Variants in CTNNA3 observed in about 807,000 individuals in gnomAD.
CTNNA3 encodes the protein catenin alpha 3, also known as catenin alpha-3.
A neutral mutation model predicts 95.7 loss-of-function variants in CTNNA3; 76 were observed. The observed-to-expected ratio is 0.79, with a 90% confidence interval of 0.66 to 0.96. The LOEUF (loss-of-function observed/expected upper bound fraction) is 0.96. CTNNA3 is among the 40% of genes least tolerant of loss of function. CTNNA3 has a pLI of 0.00. For synonymous variants in CTNNA3, 431 were observed against 374.4 expected (o/e 1.15, Z -1.74); for missense variants, 1,191 against 1,089.8 (o/e 1.09, Z -1.31).
At chr10:66,793,022 A>G (rs556544547) in intron 7 of CTNNA3, among the ~76,000 whole-genome samples, 46 of 152,282 alleles carry the variant, frequency 3.0e-4, no homozygotes, top group African/African-American at 1.0e-3. Context: ...GAAACTTACC[A>G]AAATTAAATA....
At chr10:66,621,818 T>C (rs1844761621) in intron 9 of CTNNA3, 34 bp from the exon 10 acceptor site, 1 of 1,392,182 alleles carries the variant, frequency 7.2e-7, no homozygotes, top group African/African-American at 1.4e-5. Context: ...GAAATTATTT[T>C]AGATTAGCAA....
intron 7 of CTNNA3, among the ~76,000 whole-genome samples, chr10:67,029,131 A>G (rs1421971075): frequency 6.6e-6 from 1 of 152,210 alleles, no homozygotes; most frequent in African/African-American, 2.4e-5. Flanking sequence ...TCTACTGTTC[A>G]GCATAATCAC....
At chr10:66,309,517 C>G (rs904464211) in intron 12 of CTNNA3, among the ~76,000 whole-genome samples, 7 of 150,740 alleles carry the variant, frequency 4.6e-5, no homozygotes, top group Non-Finnish European at 1.0e-4. Flanking sequence ...ACTGTGAAAC[C>G]CCATCTACCA....
chr10:65,931,553 T>TA (rs35389283), intron 17 of CTNNA3, among the ~76,000 whole-genome samples: 68,564 of 152,010 alleles, frequency 0.45, 15,849 homozygotes, highest in East Asian at 0.63. Context: ...ATGTCAGGTG[T>TA]AAAAATGCAC....
In CTNNA3 at chr10:67,418,689, A is replaced by T. The variant is rs560081681; in HGVS notation, c.579+103153T>A. The stretch of plus-strand genomic sequence containing the variant: ...GAGTAGAATGCTAGTTACCAGGGTC[A>T]GGGGCATTATTGGTTAAAGAATAGA... On this transcript the variant is annotated intron_variant, in intron 5 of 17. Coordinates refer to ENST00000433211, the MANE Select transcript of CTNNA3 (RefSeq NM_013266.4). Among the ~76,000 whole-genome samples the T allele has an allele frequency of 3.3e-5, 5 of 152,144 alleles. No homozygotes were observed. The South Asian group carries it at 1.0e-3, about 31-fold the overall frequency.
At position 66,151,650 on chromosome 10, in the gene CTNNA3, A is replaced by G. The variant is rs1333537371; in HGVS notation, c.1885-48401T>C. Among the ~76,000 whole-genome samples, 4 of 152,088 alleles carry G rather than the reference A, an allele frequency of 2.6e-5. No individual in the cohort carries two copies. The East Asian group carries it at 7.7e-4, about 29-fold the overall frequency. On this transcript the variant is annotated intron_variant, in intron 13 of 17. Coordinates refer to ENST00000433211, the MANE Select transcript of CTNNA3 (RefSeq NM_013266.4). The stretch of plus-strand genomic sequence containing the variant: ...GTAAATATCTGATAAAAAGAGATAT[A>G]CTTGCCTCTGTTCTTCAGCCACTGA...
intron 9 of CTNNA3, among the ~76,000 whole-genome samples, chr10:66,675,115 T>A (rs1466108400): frequency 6.6e-6 from 1 of 152,050 alleles, no homozygotes; most frequent in Non-Finnish European, 1.5e-5. Flanking sequence ...AGCATAAGAT[T>A]CCCACAGTTT....
intron 9 of CTNNA3, among the ~76,000 whole-genome samples, chr10:66,636,963 A>G (rs557666224): frequency 8.5e-5 from 13 of 152,328 alleles, no homozygotes; most frequent in South Asian, 2.1e-4. Flanking sequence ...GAGATAACGC[A>G]GTGAAGCTTT....
intron 3 of CTNNA3, among the ~76,000 whole-genome samples, chr10:67,546,728 A>G (rs1007225629): frequency 2.7e-4 from 41 of 152,348 alleles, no homozygotes; most frequent in Middle Eastern, 3.4e-3. Flanking sequence ...AAACACTTTT[A>G]TATTATTCTT....
At chr10:66,275,995 T>C (rs1162873647) in intron 13 of CTNNA3, among the ~76,000 whole-genome samples, 8 of 152,198 alleles carry the variant, frequency 5.3e-5, no homozygotes, top group African/African-American at 1.9e-4. Flanking sequence ...TAAGCTGATA[T>C]TTTATATTGG....
chr10:66,252,696 A>C (rs1385847657), intron 13 of CTNNA3, among the ~76,000 whole-genome samples: 2 of 152,198 alleles, frequency 1.3e-5, no homozygotes. Flanking sequence ...ATTATTATAG[A>C]TAAAGTGAAG....
At chr10:67,591,514 G>A (rs1589462613) in intron 3 of CTNNA3, among the ~76,000 whole-genome samples, 1 of 152,156 alleles carries the variant, frequency 6.6e-6, no homozygotes, top group East Asian at 1.9e-4. Context: ...AACATATTAA[G>A]TGGAAATTCT....
In CTNNA3 at chr10:66,300,119, C is replaced by T. The variant is rs180932992; in HGVS notation, c.1733-19498G>A. On this transcript the variant is annotated intron_variant, in intron 12 of 17. Transcript: ENST00000433211. ...ATGTTGGCCAGGCTGGTCTTGAACT[C>T]CTGACCTCGTGATTCACCTGCCTCA... is the stretch of plus-strand genomic sequence containing the variant. Among the ~76,000 whole-genome samples, 9 of 152,040 alleles carry T rather than the reference C, an allele frequency of 5.9e-5. No individual in the cohort carries two copies. In the East Asian group the frequency reaches 1.6e-3, roughly 26 times the overall value.
At position 65,917,366 on chromosome 10, in the gene CTNNA3, A is replaced by AATT. The variant is rs1165811844; in HGVS notation, c.*2961_*2963dup. ...ACTTCAATAATTTTAATTTGTCATA[A>AATT]ATTAAAGGGAATGATTTCTATTTCT... On this transcript the variant is annotated 3_prime_UTR_variant, in exon 18 of 18. Coordinates refer to ENST00000433211, the MANE Select transcript of CTNNA3 (RefSeq NM_013266.4). The AATT allele has an allele frequency of 1.3e-5, 2 of 152,186 alleles. No individual in the cohort carries two copies. Among genetic ancestry groups the AATT allele is most frequent in the African/African-American group, 4.8e-5 (2 of 41,456 alleles). 9.4% of individuals were successfully genotyped at this position (152,186 alleles called of 1,614,324 possible).
intron 10 of CTNNA3, among the ~76,000 whole-genome samples, chr10:66,552,751 G>A (rs1452320843): frequency 6.6e-6 from 1 of 151,820 alleles, no homozygotes; most frequent in African/African-American, 2.4e-5. Context: ...ATATATCTCT[G>A]AAAAATTAAA....
intron 2 of CTNNA3, among the ~76,000 whole-genome samples, chr10:67,621,796 G>T (rs1389374365): frequency 6.6e-6 from 1 of 151,608 alleles, no homozygotes; most frequent in East Asian, 1.9e-4. Context: ...CTAGAACCAG[G>T]GCCTTCCAAG....
chr10:67,652,180 C>T (rs554011823), intron 1 of CTNNA3, among the ~76,000 whole-genome samples: 5 of 152,320 alleles, frequency 3.3e-5, no homozygotes, highest in African/African-American at 1.2e-4. Flanking sequence ...GGACACTAAT[C>T]CTATTGATGA....
intron 7 of CTNNA3, among the ~76,000 whole-genome samples, chr10:66,980,035 T>C (rs551031047): frequency 6.6e-6 from 1 of 152,172 alleles, no homozygotes; most frequent in Non-Finnish European, 1.5e-5. Context: ...CTGGAGACAC[T>C]TTTTTCCCTA....
At chr10:66,188,156 T>G (rs961913325) in intron 13 of CTNNA3, among the ~76,000 whole-genome samples, 2 of 151,960 alleles carry the variant, frequency 1.3e-5, no homozygotes, top group Admixed American at 1.3e-4. Context: ...TCAGCAAACA[T>G]GAAGACAGAT....
Sources: gnomAD v4.1 joint callset for allele counts (sites outside exome capture counted in the v4.1 genomes callset) on GRCh38, gnomAD v4.1.1 for gene constraint, MANE v1.5 for transcripts, NCBI Gene and HGNC (gene_info 2026-07-23, HGNC 2026-07-21) for gene names.